Variants in PTH2R observed in about 807,000 individuals in gnomAD.
PTH2R encodes the protein parathyroid hormone 2 receptor.
A neutral mutation model predicts 60.3 loss-of-function variants in PTH2R; 59 were observed. The ratio of observed to expected loss-of-function variants is 0.98; its 90% confidence interval spans 0.79 to 1.22. The LOEUF (loss-of-function observed/expected upper bound fraction) is 1.22, where lower values mean the gene tolerates loss of function less well. PTH2R is among the 50% of genes most tolerant of loss of function. The probability of loss-of-function intolerance (pLI) is 0.00; values close to 1 mark genes in which losing one functional copy is unlikely to be tolerated. For synonymous variants in PTH2R, 256 were observed against 243.8 expected, an observed-to-expected ratio of 1.05 and a Z score of -0.47; for missense variants, 749 against 682.6, an observed-to-expected ratio of 1.10 and a Z score of -1.08.
At chr2:208,409,180 A>G (rs1403292560) in intron 1 of PTH2R, among the ~76,000 whole-genome samples, 5 of 152,194 alleles carry the variant, frequency 3.3e-5, no homozygotes, top group Non-Finnish European at 7.3e-5. Context: ...CATTTGCCGA[A>G]TTTTTGACAT....
At chr2:208,450,893 G>A in intron 8 of PTH2R, 84 bp downstream of exon 8, 1 of 1,439,808 alleles carries the variant, frequency 6.9e-7, no homozygotes. Context: ...ACTCGCTTCT[G>A]TTCTTGATGC....
intron 5 of PTH2R, among the ~76,000 whole-genome samples, chr2:208,443,042 T>C (rs1224789807): frequency 6.6e-6 from 1 of 152,220 alleles, no homozygotes; most frequent in Admixed American, 6.5e-5. Context: ...TACTTATTTT[T>C]TGGGTCATTT....
At chr2:208,476,339 AT>A (rs972409796) in intron 9 of PTH2R, among the ~76,000 whole-genome samples, 3 of 152,108 alleles carry the variant, frequency 2.0e-5, no homozygotes, top group Non-Finnish European at 4.4e-5. Flanking sequence ...TACCAAATTG[AT>A]TTTTCCCCCA....
chr2:208,436,800 T>C (rs1488850919), intron 2 of PTH2R, among the ~76,000 whole-genome samples: 1 of 152,046 alleles, frequency 6.6e-6, no homozygotes, highest in Non-Finnish European at 1.5e-5. Flanking sequence ...TATGTTGCAT[T>C]CCCAGCACAT....
At chr2:208,445,027 T>C (rs1702262851) in intron 7 of PTH2R, 140 bp downstream of exon 7, 2 of 919,806 alleles carry the variant, frequency 2.2e-6, no homozygotes, top group East Asian at 5.3e-5. Context: ...CTTTTATTGT[T>C]CTATTCTTAG....
intron 9 of PTH2R, among the ~76,000 whole-genome samples, chr2:208,473,999 C>T (rs1702941260): frequency 6.6e-6 from 1 of 151,972 alleles, no homozygotes; most frequent in South Asian, 2.1e-4. Context: ...AAACTCATAT[C>T]CAAGGTCATA....
At chr2:208,471,597 A>G (rs747298275) in intron 9 of PTH2R, among the ~76,000 whole-genome samples, 6 of 152,228 alleles carry the variant, frequency 3.9e-5, no homozygotes, top group Non-Finnish European at 5.9e-5. Flanking sequence ...ATGTATGGAA[A>G]TGCTTGGATG....
chr2:208,464,274 G>A (rs550488297), intron 9 of PTH2R, among the ~76,000 whole-genome samples: 58 of 152,220 alleles, frequency 3.8e-4, no homozygotes, highest in African/African-American at 1.3e-3. Context: ...TCCTATGTGA[G>A]GTCCTGTTAT....
chr2:208,446,463 G>C (rs573055770), intron 7 of PTH2R, among the ~76,000 whole-genome samples: 40 of 152,292 alleles, frequency 2.6e-4, no homozygotes, highest in Non-Finnish European at 5.4e-4. Flanking sequence ...TCGTGAAATA[G>C]TTTGAGAACA....
At chr2:208,475,566 T>C (rs913352833) in intron 9 of PTH2R, among the ~76,000 whole-genome samples, 2 of 152,198 alleles carry the variant, frequency 1.3e-5, no homozygotes, top group African/African-American at 4.8e-5. Context: ...CAAAGAATGT[T>C]CAAGTTGGGA....
At chr2:208,448,477 C>T (rs1702334988) in intron 7 of PTH2R, among the ~76,000 whole-genome samples, 2 of 150,908 alleles carry the variant, frequency 1.3e-5, no homozygotes, top group South Asian at 2.1e-4. Context: ...GGTGAAACCC[C>T]GTCTCTACTA....
rs569890401 is a variant in PTH2R at position 208,427,156 on chromosome 2, A to G, written c.76-1045A>G. On this transcript the variant is annotated intron_variant, in intron 1 of 12. Coordinates refer to ENST00000272847, the MANE Select transcript of PTH2R (RefSeq NM_005048.4). ...AAATGTATAGTTCTGAAATTTGGTC[A>G]CAATTTATACAATGTTTTCTAGGAT... Among the ~76,000 whole-genome samples, 3 of 152,372 alleles carry G rather than the reference A, an allele frequency of 2.0e-5. No individual in the cohort carries two copies. In the South Asian group the frequency reaches 6.2e-4, roughly 32 times the overall value.
exon 1 of PTH2R, chr2:208,360,009 T>A: frequency 3.0e-6 from 1 of 329,322 alleles, no homozygotes; most frequent in South Asian, 2.5e-5. Flanking sequence ...TGCTCTCCAG[T>A]CCCTATCCAC....
intron 9 of PTH2R, among the ~76,000 whole-genome samples, chr2:208,470,459 T>C (rs927621940): frequency 3.3e-5 from 5 of 151,428 alleles, no homozygotes; most frequent in African/African-American, 1.2e-4. Flanking sequence ...AATTGAATCA[T>C]AGGGGCAGGT....
At chr2:208,392,139 C>A (rs1701119604) in intron 1 of PTH2R, among the ~76,000 whole-genome samples, 1 of 152,180 alleles carries the variant, frequency 6.6e-6, no homozygotes, top group South Asian at 2.1e-4. Context: ...AAATCTAGGA[C>A]TGCAAACCAT....
intron 8 of PTH2R, among the ~76,000 whole-genome samples, chr2:208,459,517 A>C (rs941350359): frequency 6.6e-6 from 1 of 152,142 alleles, no homozygotes; most frequent in Non-Finnish European, 1.5e-5. Context: ...GTGAGAGAGA[A>C]CTTTCTTTAT....
intron 1 of PTH2R, among the ~76,000 whole-genome samples, chr2:208,418,199 A>G (rs1334441129): frequency 6.6e-6 from 1 of 152,104 alleles, no homozygotes; most frequent in South Asian, 2.1e-4. Flanking sequence ...CTGAACCTAT[A>G]TGACAAAAAA....
chr2:208,456,516 T>G (rs1416535406), intron 8 of PTH2R, among the ~76,000 whole-genome samples: 1 of 152,178 alleles, frequency 6.6e-6, no homozygotes, highest in African/African-American at 2.4e-5. Flanking sequence ...CCATCTGACA[T>G]TTCTAGAACA....
intron 2 of PTH2R, 71 bp from the exon 3 acceptor site, chr2:208,437,466 G>GA: frequency 7.6e-7 from 1 of 1,317,132 alleles, no homozygotes; most frequent in Non-Finnish European, 1.0e-6. Context: ...TTTGTTTTTT[G>GA]AATGCATTTG....
Sources: gnomAD v4.1 joint callset for allele counts (sites outside exome capture counted in the v4.1 genomes callset) on GRCh38, gnomAD v4.1.1 for gene constraint, MANE v1.5 for transcripts, NCBI Gene and HGNC (gene_info 2026-07-23, HGNC 2026-07-21) for gene names.